Variants in SLC4A7 observed in about 807,000 individuals in gnomAD.
SLC4A7 encodes the protein solute carrier family 4 member 7.
A neutral mutation model predicts 137.6 loss-of-function variants in SLC4A7; 51 were observed. The observed-to-expected ratio is 0.37, with a 90% CI of 0.30 to 0.47. The LOEUF (loss-of-function observed/expected upper bound fraction) is 0.47, where lower values mean the gene tolerates loss of function less well. SLC4A7 is among the 20% of genes least tolerant of loss of function. The probability of loss-of-function intolerance (pLI) is 1.00; values close to 1 mark genes in which losing one functional copy is unlikely to be tolerated. For synonymous variants in SLC4A7, 542 were observed against 518.6 expected, an observed-to-expected ratio of 1.05 and a Z score of -0.61; for missense variants, 1,247 against 1,525.4, an observed-to-expected ratio of 0.82 and a Z score of 3.04.
At chr3:27,386,274 T>C (rs558949285) in intron 22 of SLC4A7, among the ~76,000 whole-genome samples, 2 of 151,678 alleles carry the variant, frequency 1.3e-5, no homozygotes, top group East Asian at 3.9e-4. Context: ...AATAAATCCC[T>C]TGCACTACGC....
At chr3:27,450,729 G>A (rs2058019763) in intron 2 of SLC4A7, among the ~76,000 whole-genome samples, 1 of 152,004 alleles carries the variant, frequency 6.6e-6, no homozygotes, top group South Asian at 2.1e-4. Context: ...AGCTTATTGT[G>A]TTTTCTTCTT....
intron 21 of SLC4A7, among the ~76,000 whole-genome samples, chr3:27,391,180 T>C (rs1333427900): frequency 6.6e-6 from 1 of 152,208 alleles, no homozygotes; most frequent in African/African-American, 2.4e-5. Context: ...TATTAGGTTG[T>C]TTCCCAGTAA....
intron 11 of SLC4A7, among the ~76,000 whole-genome samples, chr3:27,416,579 A>C (rs530594088): frequency 6.6e-6 from 1 of 152,288 alleles, no homozygotes; most frequent in Non-Finnish European, 1.5e-5. Context: ...TTTGCATGCA[A>C]ATTTTTTCAA....
rs867642863 is a variant in SLC4A7 at position 27,484,227 on chromosome 3, G to T, written c.-101C>A. 3 of 1,010,576 alleles carry T rather than the reference G, an allele frequency of 3.0e-6. No homozygotes were observed. Among genetic ancestry groups the T allele is most frequent in the African/African-American group, 3.4e-5 (2 of 59,242 alleles). The allele number at this position is 1,010,576 out of a possible 1,614,324, so 62.6% of individuals were successfully genotyped here. ...CGCCGCCGCCGAGCCCCCGGCGCGCGAGGACAAACGTGGGTGCGTCCGTGC... is the reference window on the plus strand; with the variant it reads ...CGCCGCCGCCGAGCCCCCGGCGCGCTAGGACAAACGTGGGTGCGTCCGTGC... On this transcript the variant is annotated 5_prime_UTR_variant, in exon 1 of 26. Transcript: ENST00000454389.
intron 11 of SLC4A7, among the ~76,000 whole-genome samples, chr3:27,412,711 C>T (rs80100375): frequency 0.16 from 23,303 of 146,238 alleles, 1,964 homozygotes; most frequent in South Asian, 0.28. Flanking sequence ...GTGGTTTTGG[C>T]TATTATTTTT....
chr3:27,451,312 T>C (rs2058060889), intron 2 of SLC4A7, among the ~76,000 whole-genome samples: 2 of 152,112 alleles, frequency 1.3e-5, no homozygotes, highest in Admixed American at 6.5e-5. Flanking sequence ...GTAGTTCCTA[T>C]AAACATCCCC....
intron 3 of SLC4A7, among the ~76,000 whole-genome samples, chr3:27,441,596 G>C (rs374563250): frequency 6.6e-6 from 1 of 152,048 alleles, no homozygotes; most frequent in Non-Finnish European, 1.5e-5. Flanking sequence ...AGGCTAAAGG[G>C]ATCAATCCAC....
intron 25 of SLC4A7, among the ~76,000 whole-genome samples, chr3:27,378,740 T>G (rs145291763): frequency 1.3e-5 from 2 of 152,220 alleles, no homozygotes; most frequent in African/African-American, 4.8e-5. Flanking sequence ...AAACAACTTG[T>G]GTTTTTCTCT....
chr3:27,400,666 G>A (rs546441000), intron 16 of SLC4A7, 98 bp downstream of exon 16: 17 of 682,760 alleles, frequency 2.5e-5, no homozygotes, highest in Non-Finnish European at 3.7e-5. Context: ...ACATACTACC[G>A]ATCCATCAAT....
intron 11 of SLC4A7, among the ~76,000 whole-genome samples, chr3:27,412,158 G>A (rs1048201719): frequency 6.6e-5 from 10 of 152,128 alleles, no homozygotes; most frequent in Non-Finnish European, 4.4e-5. Flanking sequence ...AAAAGCAAAT[G>A]TCATTTTTCT....
intron 5 of SLC4A7, among the ~76,000 whole-genome samples, chr3:27,434,349 C>T (rs574564783): frequency 6.6e-6 from 1 of 152,252 alleles, no homozygotes; most frequent in African/African-American, 2.4e-5. Context: ...TAATAGCCTT[C>T]CTATAGCTGA....
intron 3 of SLC4A7, among the ~76,000 whole-genome samples, chr3:27,445,815 C>A (rs2057549119): frequency 1.4e-5 from 2 of 147,222 alleles, no homozygotes; most frequent in South Asian, 4.3e-4. Context: ...ACCTGTAATC[C>A]CAGCTACTTG....
chr3:27,443,198 T>G (rs1279955897), intron 3 of SLC4A7, among the ~76,000 whole-genome samples: 1 of 151,820 alleles, frequency 6.6e-6, no homozygotes, highest in African/African-American at 2.4e-5. Flanking sequence ...GCCTGGCTAA[T>G]TTTTTATTTT....
chr3:27,434,043 G>A lies in SLC4A7; in HGVS notation c.651C>T (p.Val217=), dbSNP rs774998563. 8.1e-6 allele frequency: 13 copies of A among 1,613,530 alleles called. No homozygotes were observed. Among genetic ancestry groups the A allele is most frequent in the Middle Eastern group, 1.7e-4 (1 of 6,056 alleles). ...GQLDESIREN[V]REALLKRHHH... is the part of the protein sequence containing the mutation. Reference sequence around the variant, plus strand: ...GATGTCTCTTCAGAAGAGCTTCTCTGACATTCTCTCGTATGGACTCGTCTA... The same window carrying A: ...GATGTCTCTTCAGAAGAGCTTCTCTAACATTCTCTCGTATGGACTCGTCTA... The change falls in exon 6 of 26, where the codon GTC becomes GTT. Residue 217 remains valine (V), a synonymous_variant. Coordinates refer to ENST00000454389, the MANE Select transcript of SLC4A7 (RefSeq NM_001321103.2).
intron 4 of SLC4A7, among the ~76,000 whole-genome samples, chr3:27,436,876 C>T (rs12486331): frequency 0.15 from 23,371 of 151,998 alleles, 1,995 homozygotes; most frequent in South Asian, 0.27. Context: ...GACATAATTT[C>T]TTTATGAAAG....
At chr3:27,429,247 A>G (rs2055999956) in intron 7 of SLC4A7, among the ~76,000 whole-genome samples, 1 of 151,992 alleles carries the variant, frequency 6.6e-6, no homozygotes, top group African/African-American at 2.4e-5. Flanking sequence ...GCCTGGCGAC[A>G]AAGCGAGACT....
intron 11 of SLC4A7, 142 bp downstream of exon 11, chr3:27,418,344 C>T (rs2054596294): frequency 1.6e-6 from 1 of 632,188 alleles, no homozygotes; most frequent in South Asian, 2.1e-5. Context: ...GGTCCACCCA[C>T]AGGAGGTAAG....
At chr3:27,430,390 A>G (rs1023153764) in intron 7 of SLC4A7, among the ~76,000 whole-genome samples, 1 of 151,410 alleles carries the variant, frequency 6.6e-6, no homozygotes, top group Non-Finnish European at 1.5e-5. Flanking sequence ...TGGTAGGCCA[A>G]GGTGGGTGGA....
At position 27,456,745 on chromosome 3, in the gene SLC4A7, G is replaced by T. The variant is rs2058435392; in HGVS notation, c.61-4247C>A. 1.9e-6 allele frequency: 3 copies of T among 1,594,070 alleles called. No homozygotes were observed. In the East Asian group the frequency reaches 6.7e-5, roughly 36 times the overall value. On this transcript the variant is annotated intron_variant, in intron 1 of 25. Transcript: ENST00000454389. ...GCAGTAACTCCCTTGAAGATTCCAG[G>T]GACAGTGAGCACATATCTGATTTAG...
Sources: allele counts gnomAD v4.1 joint callset (sites outside exome capture counted in the v4.1 genomes callset), GRCh38; gene constraint gnomAD v4.1.1; transcripts MANE v1.5; gene names NCBI Gene and HGNC (gene_info 2026-07-23, HGNC 2026-07-21).